The following ELMO1 variants were observed in gnomAD, a reference collection of about 807,000 sequenced individuals.
The protein encoded by ELMO1 is engulfment and cell motility protein 1.
In ELMO1, 26 loss-of-function variants were observed where a neutral mutation model predicts 98.9. That is an observed-to-expected ratio of 0.26 (90% CI 0.19 to 0.36). The LOEUF (loss-of-function observed/expected upper bound fraction) is 0.36, where lower values mean the gene tolerates loss of function less well. ELMO1 is among the 10% of genes least tolerant of loss of function. The pLI is 1.00. For synonymous variants in ELMO1, 346 were observed against 346.0 expected (o/e 1.00, Z 0.00); for missense variants, 627 against 935.2 (o/e 0.67, Z 4.30).
rs1794308012 is a variant in ELMO1 at position 37,233,718 on chromosome 7, T to A, written c.450-524A>T. Reference sequence around the variant, plus strand: ...TTAAAAATACTTCTATTAAGAGAATTAGTACTTTTTTTAAGTGGTCTATAC... The same window carrying A: ...TTAAAAATACTTCTATTAAGAGAATAAGTACTTTTTTTAAGTGGTCTATAC... On this transcript the variant is annotated intron_variant, in intron 7 of 21. Transcript: ENST00000310758. Among the ~76,000 whole-genome samples, 3 of 135,368 alleles carry A rather than the reference T, an allele frequency of 2.2e-5. No homozygotes were observed. The Admixed American group carries it at 2.3e-4, about 10-fold the overall frequency. The allele number at this position is 135,368 out of a possible 152,430, so 88.8% of individuals were successfully genotyped here. A position where few individuals can be genotyped will look rare whatever the true frequency, so the allele number is the denominator to read the frequency against.
intron 14 of ELMO1, among the ~76,000 whole-genome samples, chr7:37,105,579 G>A (rs1469083444): frequency 6.6e-6 from 1 of 152,192 alleles, no homozygotes; most frequent in Non-Finnish European, 1.5e-5. Flanking sequence ...ATTCTGGGGT[G>A]TACTCACGAA....
chr7:37,186,494 C>T (rs1374565915), intron 13 of ELMO1, among the ~76,000 whole-genome samples: 3 of 152,114 alleles, frequency 2.0e-5, no homozygotes, highest in Non-Finnish European at 2.9e-5. Flanking sequence ...AAAACTTTCA[C>T]GCTTCAAAAG....
intron 1 of ELMO1, among the ~76,000 whole-genome samples, chr7:37,439,715 T>C (rs892443020): frequency 6.6e-6 from 1 of 152,248 alleles, no homozygotes; most frequent in African/African-American, 2.4e-5. Context: ...TTCTCTCATA[T>C]AAACCCAAGC....
At chr7:36,938,023 C>T (rs771818062) in intron 16 of ELMO1, among the ~76,000 whole-genome samples, 9 of 152,134 alleles carry the variant, frequency 5.9e-5, no homozygotes, top group Non-Finnish European at 1.0e-4. Context: ...TCTTAAAAGA[C>T]GGCCACCATA....
chr7:37,152,438 T>C (rs1021161551), intron 13 of ELMO1, among the ~76,000 whole-genome samples: 2 of 106,540 alleles, frequency 1.9e-5, no homozygotes, highest in Admixed American at 1.1e-4. Context: ...TTGAGCAATG[T>C]TGGGGCTTTT....
intron 13 of ELMO1, among the ~76,000 whole-genome samples, chr7:37,172,739 T>A (rs1312178401): frequency 6.6e-6 from 1 of 152,172 alleles, no homozygotes; most frequent in African/African-American, 2.4e-5. Context: ...AGTAGTACAT[T>A]TATATGTTAC....
chr7:37,276,262 G>T (rs1241824287), intron 4 of ELMO1, among the ~76,000 whole-genome samples: 1 of 151,992 alleles, frequency 6.6e-6, no homozygotes, highest in Non-Finnish European at 1.5e-5. Context: ...AAAGAAATGA[G>T]ATAGGAAGAG....
intron 13 of ELMO1, among the ~76,000 whole-genome samples, chr7:37,139,447 A>G (rs1787474315): frequency 6.6e-6 from 1 of 152,190 alleles, no homozygotes; most frequent in Admixed American, 6.5e-5. Context: ...TGAAAATCAA[A>G]TCACTCAACC....
At chr7:37,029,560 A>C (rs1371965567) in intron 15 of ELMO1, among the ~76,000 whole-genome samples, 1 of 152,218 alleles carries the variant, frequency 6.6e-6, no homozygotes, top group Admixed American at 6.5e-5. Context: ...AGTATAACAC[A>C]GCATACTCAC....
intron 1 of ELMO1, among the ~76,000 whole-genome samples, chr7:37,440,289 A>G (rs1805349049): frequency 6.6e-6 from 1 of 152,030 alleles, no homozygotes; most frequent in Admixed American, 6.6e-5. Flanking sequence ...TACAAATACA[A>G]AAATTAGCCA....
chr7:37,174,565 T>G (rs1790395562), intron 13 of ELMO1, among the ~76,000 whole-genome samples: 1 of 152,162 alleles, frequency 6.6e-6, no homozygotes, highest in African/African-American at 2.4e-5. Flanking sequence ...AGGATGCATG[T>G]CAGAGCTCTT....
chr7:37,075,303 C>A (rs1797512783), intron 15 of ELMO1, among the ~76,000 whole-genome samples: 2 of 151,580 alleles, frequency 1.3e-5, no homozygotes, highest in Admixed American at 6.6e-5. Context: ...CCCGCCACCA[C>A]ACCCGGCTAA....
chr7:37,313,404 T>C (rs1026752661), intron 4 of ELMO1, among the ~76,000 whole-genome samples: 14 of 152,152 alleles, frequency 9.2e-5, no homozygotes, highest in African/African-American at 3.1e-4. Context: ...TATGTATTTT[T>C]AGTAGAGACG....
At chr7:36,980,496 GAGA>G (rs1790954904) in intron 16 of ELMO1, among the ~76,000 whole-genome samples, 1 of 152,184 alleles carries the variant, frequency 6.6e-6, no homozygotes, top group Admixed American at 6.5e-5. Flanking sequence ...TAAAGTTGCT[GAGA>G]AGCACAAAGG....
chr7:37,239,431 C>G (rs1794645863), intron 7 of ELMO1, among the ~76,000 whole-genome samples: 1 of 152,206 alleles, frequency 6.6e-6, no homozygotes, highest in East Asian at 1.9e-4. Flanking sequence ...TCCCAAAGTG[C>G]TGGGATTACA....
chr7:37,084,845 C>T (rs1439699599), intron 15 of ELMO1, among the ~76,000 whole-genome samples: 4 of 151,868 alleles, frequency 2.6e-5, no homozygotes, highest in Admixed American at 2.6e-4. Context: ...CAACCTCTGC[C>T]TCCCGAGTTC....
chr7:37,004,348 T>C (rs1034194467), intron 16 of ELMO1, among the ~76,000 whole-genome samples: 2 of 152,158 alleles, frequency 1.3e-5, no homozygotes, highest in African/African-American at 2.4e-5. Flanking sequence ...CAATGTATAG[T>C]TAATAAAATG....
intron 11 of ELMO1, among the ~76,000 whole-genome samples, chr7:37,216,404 CCT>C (rs1344626191): frequency 2.6e-5 from 4 of 152,118 alleles, no homozygotes; most frequent in African/African-American, 9.7e-5. Context: ...ATGCGTTCCC[CCT>C]TTCTCTCTCC....
chr7:37,301,316 G>A (rs939326625), intron 4 of ELMO1, among the ~76,000 whole-genome samples: 7 of 91,530 alleles, frequency 7.6e-5, no homozygotes, highest in South Asian at 8.4e-4. Flanking sequence ...GAAAAAATGA[G>A]AAATGAGAAT....
Sources: allele counts gnomAD v4.1 joint callset (sites outside exome capture counted in the v4.1 genomes callset), GRCh38; gene constraint gnomAD v4.1.1; transcripts MANE v1.5; gene names NCBI Gene and HGNC (gene_info 2026-07-23, HGNC 2026-07-21).